Variants in DOCK8 observed in about 807,000 individuals in gnomAD.
DOCK8 encodes dedicator of cytokinesis protein 8.
DOCK8 carries 141 observed loss-of-function variants against 245.6 expected under a neutral mutation model. That is an observed-to-expected ratio of 0.57 (90% CI 0.50 to 0.66). The LOEUF (loss-of-function observed/expected upper bound fraction) is 0.66. DOCK8 is among the 30% of genes least tolerant of loss of function. DOCK8 has a pLI of 0.00. For synonymous variants in DOCK8, 1,168 were observed against 970.2 expected (o/e 1.20, Z -3.79); for missense variants, 2,965 against 2,603.4 (o/e 1.14, Z -3.02).
chr9:218,399 G>A (rs1260592527), intron 1 of DOCK8, among the ~76,000 whole-genome samples: 1 of 152,158 alleles, frequency 6.6e-6, no homozygotes, highest in African/African-American at 2.4e-5. Context: ...TGAGAAGAAA[G>A]GTGAAATTAA....
intron 12 of DOCK8, 23 bp downstream of exon 12, chr9:336,741 G>C: frequency 6.2e-7 from 1 of 1,613,782 alleles, no homozygotes. Flanking sequence ...ATTACAGTGT[G>C]TCTGGATTTT....
chr9:233,830 A>G (rs1334185091), intron 1 of DOCK8, among the ~76,000 whole-genome samples: 1 of 151,960 alleles, frequency 6.6e-6, no homozygotes, highest in Non-Finnish European at 1.5e-5. Context: ...CAGCACACTG[A>G]TGGGTCTTGA....
intron 28 of DOCK8, among the ~76,000 whole-genome samples, chr9:412,590 A>G (rs2131588630): frequency 6.6e-6 from 1 of 152,266 alleles, no homozygotes; most frequent in South Asian, 2.1e-4. Flanking sequence ...ATCAACATAC[A>G]AGAATCAATT....
Position 384,795 on chromosome 9 carries a change from A to G in DOCK8, c.2779-1536A>G, listed in dbSNP as rs528134612. 1.8e-4 allele frequency among the ~76,000 whole-genome samples: 28 copies of G among 152,316 alleles called. No individual in the cohort carries two copies. The East Asian group carries it at 3.9e-3, about 21-fold the overall frequency. The stretch of plus-strand genomic sequence containing the variant: ...GCCGGGCGTGGTGGCGGGCGCCTGT[A>G]ATCCCAGCTACTCAGGAGGCTGAGG... On this transcript the variant is annotated intron_variant, in intron 22 of 47. Coordinates refer to ENST00000432829, the MANE Select transcript of DOCK8 (RefSeq NM_203447.4).
chr9:214,567 C>A (rs1164024916), upstream of DOCK8: 1 of 1,613,948 alleles, frequency 6.2e-7, no homozygotes, highest in East Asian at 2.2e-5. Flanking sequence ...CCCCGACTTG[C>A]CTACATTCCC....
At chr9:214,773 G>C (rs1201331623), upstream of DOCK8, 2 of 1,541,180 alleles carry the variant, frequency 1.3e-6, no homozygotes, top group Non-Finnish European at 8.7e-7. Context: ...AGGCCGGGTG[G>C]CGGAGCCGGC....
chr9:384,362 A>G (rs2053856941), intron 22 of DOCK8, among the ~76,000 whole-genome samples: 1 of 152,200 alleles, frequency 6.6e-6, no homozygotes, highest in African/African-American at 2.4e-5. Flanking sequence ...TTAGAGTAAT[A>G]TCATTTCCCC....
At chr9:415,667 T>TGTGTGTGCAC (rs1564036063) in intron 29 of DOCK8, among the ~76,000 whole-genome samples, 1 of 129,354 alleles carries the variant, frequency 7.7e-6, no homozygotes, top group African/African-American at 2.9e-5. Flanking sequence ...ACAGCGTACG[T>TGTGTGTGCAC]GTGTGTGCAC....
intron 14 of DOCK8, among the ~76,000 whole-genome samples, chr9:358,596 C>T (rs2052563565): frequency 6.6e-6 from 1 of 150,994 alleles, no homozygotes; most frequent in African/African-American, 2.4e-5. Flanking sequence ...TGCCTGTAAT[C>T]CCAACAGTTT....
chr9:453,805 G>A (rs913072698), intron 46 of DOCK8, among the ~76,000 whole-genome samples: 1 of 151,960 alleles, frequency 6.6e-6, no homozygotes, highest in African/African-American at 2.4e-5. Flanking sequence ...CAGAGATTGG[G>A]GGCTTAAAAA....
At chr9:256,601 C>T (rs1249342432) in intron 1 of DOCK8, among the ~76,000 whole-genome samples, 2 of 152,150 alleles carry the variant, frequency 1.3e-5, no homozygotes, top group East Asian at 1.9e-4. Flanking sequence ...GGGGTGGGGT[C>T]TGGGTACTTT....
At chr9:215,470 T>G in intron 1 of DOCK8, 1 of 1,479,522 alleles carries the variant, frequency 6.8e-7, no homozygotes, top group Admixed American at 2.4e-5. Context: ...GAGTTGCGTT[T>G]GAGGCAGGCT....
chr9:289,098 CA>C (rs1238279943), intron 3 of DOCK8, among the ~76,000 whole-genome samples: 1 of 152,088 alleles, frequency 6.6e-6, no homozygotes, highest in Non-Finnish European at 1.5e-5. Context: ...TCCTGGCTTT[CA>C]AAAAGGAGAA....
chr9:424,891 T>G lies in DOCK8; in HGVS notation c.4242-1994T>G, dbSNP rs573224979. On this transcript the variant is annotated intron_variant, in intron 33 of 47. Transcript: ENST00000432829. ...AGATTAGGACACTCTAGATTTGTGC[T>G]GTCCAATACAGTAGCCATTAGCCAC... Among the ~76,000 whole-genome samples the G allele has an allele frequency of 1.2e-4, 18 of 152,360 alleles. No individual in the cohort carries two copies. In the South Asian group the frequency reaches 3.7e-3, roughly 32 times the overall value.
intron 46 of DOCK8, among the ~76,000 whole-genome samples, chr9:461,724 T>C (rs2057812291): frequency 6.6e-6 from 1 of 151,770 alleles, no homozygotes; most frequent in Non-Finnish European, 1.5e-5. Context: ...ATATTTTTTG[T>C]AGAGATGGGG....
chr9:354,394 A>AT (rs1274204696), intron 14 of DOCK8, among the ~76,000 whole-genome samples: 13 of 151,978 alleles, frequency 8.6e-5, no homozygotes, highest in African/African-American at 1.2e-4. Context: ...AAGTAAAACC[A>AT]TTTTTTTTGA....
At chr9:312,856 T>C in intron 6 of DOCK8, 1 of 179,370 alleles carries the variant, frequency 5.6e-6, no homozygotes. Flanking sequence ...CCCCTCTGCG[T>C]GAGGTTATCT....
intron 4 of DOCK8, among the ~76,000 whole-genome samples, chr9:292,730 T>C (rs185976125): frequency 6.6e-6 from 1 of 152,142 alleles, no homozygotes; most frequent in East Asian, 1.9e-4. Context: ...TCTTTTAAAG[T>C]TGTTTTTAAT....
chr9:359,766 G>A (rs1300199832), intron 14 of DOCK8, among the ~76,000 whole-genome samples: 1 of 141,594 alleles, frequency 7.1e-6, no homozygotes, highest in Non-Finnish European at 1.5e-5. Flanking sequence ...TGGCTTTGCT[G>A]CATTTCCACT....
Sources: allele counts gnomAD v4.1 joint callset (sites outside exome capture counted in the v4.1 genomes callset), GRCh38; gene constraint gnomAD v4.1.1; transcripts MANE v1.5; gene names NCBI Gene and HGNC (gene_info 2026-07-23, HGNC 2026-07-21).